CELF5: variants seen among roughly 807,000 people sequenced by gnomAD.
The protein encoded by CELF5 is CUG-BP and ETR-3 like factor 5.
In CELF5, 6 loss-of-function variants were observed where a neutral mutation model predicts 54.9. The ratio of observed to expected loss-of-function variants is 0.11; its 90% CI spans 0.06 to 0.22. The LOEUF (loss-of-function observed/expected upper bound fraction) is 0.22, where lower values mean the gene tolerates loss of function less well. Ranked by LOEUF, CELF5 falls within the 10% of genes least tolerant of loss-of-function variation. CELF5 has a pLI of 1.00. For synonymous variants in CELF5, 271 were observed against 290.9 expected (o/e 0.93, Z 0.70); for missense variants, 401 against 678.6 (o/e 0.59, Z 4.54).
chr19:3,245,419 G>GGT (rs370690783), intron 1 of CELF5, among the ~76,000 whole-genome samples: 9 of 149,066 alleles, frequency 6.0e-5, no homozygotes, highest in South Asian at 2.1e-4. Context: ...TGTGGTGTGT[G>GGT]GTGTGTGTGT....
intron 1 of CELF5, among the ~76,000 whole-genome samples, chr19:3,242,679 G>A (rs974797202): frequency 5.9e-5 from 9 of 152,110 alleles, no homozygotes; most frequent in Admixed American, 2.0e-4. Flanking sequence ...AGTGGCAGGC[G>A]CCTGTAATCC....
At position 3,282,042 on chromosome 19, in the gene CELF5, A is replaced by G. The variant is rs1026923144; in HGVS notation, c.751-84A>G. On this transcript the variant is annotated intron_variant, in intron 6 of 12. Coordinates refer to ENST00000292672, the MANE Select transcript of CELF5 (RefSeq NM_021938.4). The surrounding 1 kb of genome is among the most constrained non-coding windows in gnomAD (Gnocchi z 5.2). ...AGATACCCAGCCTGACCTCCTCACTAGTAACTGGGGTACCAAGCCTCCCCT... is the reference window on the plus strand; with the variant it reads ...AGATACCCAGCCTGACCTCCTCACTGGTAACTGGGGTACCAAGCCTCCCCT... The G allele has an allele frequency of 6.7e-7, 1 of 1,494,586 alleles. No individual in the cohort carries two copies. The highest frequency in any genetic ancestry group is 2.3e-5 in the East Asian group (1 of 43,970). 92.6% of individuals were successfully genotyped at this position (1,494,586 alleles called of 1,614,324 possible).
chr19:3,284,523 G>C (rs1453211171), intron 8 of CELF5, among the ~76,000 whole-genome samples: 1 of 152,116 alleles, frequency 6.6e-6, no homozygotes, highest in East Asian at 1.9e-4. Context: ...AGAGGGAGAC[G>C]GGGCAGGGGA....
At chr19:3,287,354 G>T (rs2080269853) in intron 10 of CELF5, among the ~76,000 whole-genome samples, 1 of 151,254 alleles carries the variant, frequency 6.6e-6, no homozygotes, top group Non-Finnish European at 1.5e-5. Flanking sequence ...GAGCTCAGGA[G>T]TTCAAGACCA....
chr19:3,267,527 G>C (rs2079900239), intron 2 of CELF5, among the ~76,000 whole-genome samples: 1 of 152,182 alleles, frequency 6.6e-6, no homozygotes, highest in South Asian at 2.1e-4. Flanking sequence ...GGTTCCTGGA[G>C]ACAGAGAGCC....
intron 1 of CELF5, among the ~76,000 whole-genome samples, chr19:3,246,590 G>T (rs889964729): frequency 6.6e-6 from 1 of 151,862 alleles, no homozygotes; most frequent in Admixed American, 6.6e-5. Flanking sequence ...GCATGCAACT[G>T]TGGTCCCAGC....
intron 3 of CELF5, among the ~76,000 whole-genome samples, chr19:3,274,153 A>G (rs1446776988): frequency 8.3e-6 from 1 of 121,140 alleles, no homozygotes; most frequent in African/African-American, 2.6e-5. Flanking sequence ...ATAGGCCCCA[A>G]GGGAGGATGG....
intron 10 of CELF5, 102 bp downstream of exon 10, chr19:3,286,127 C>A: frequency 9.5e-7 from 1 of 1,051,058 alleles, no homozygotes; most frequent in Non-Finnish European, 1.3e-6. Context: ...ACCCGCGGGG[C>A]TGAGAGTGCG....
intron 10 of CELF5, 135 bp from the exon 11 acceptor site, chr19:3,290,096 C>G (rs113248923): frequency 1.8e-5 from 12 of 651,962 alleles, no homozygotes; most frequent in African/African-American, 9.1e-5. Context: ...CAGGCCCCTT[C>G]TTTCTGGGTG....
At chr19:3,249,508 C>T (rs1329395102) in intron 1 of CELF5, among the ~76,000 whole-genome samples, 1 of 150,704 alleles carries the variant, frequency 6.6e-6, no homozygotes, top group Non-Finnish European at 1.5e-5. Flanking sequence ...CGCTTCCCAC[C>T]CTCCGATCCC....
intron 1 of CELF5, among the ~76,000 whole-genome samples, chr19:3,236,946 G>A (rs906653285): frequency 8.8e-5 from 13 of 148,048 alleles, no homozygotes; most frequent in Admixed American, 7.6e-4. Context: ...CTGAGATCGC[G>A]CCACTGCACT....
chr19:3,272,721 G>T (rs2079987041), intron 2 of CELF5, among the ~76,000 whole-genome samples: 1 of 152,198 alleles, frequency 6.6e-6, no homozygotes. Flanking sequence ...TACAGCCTGA[G>T]GGAGGGGGAG....
intron 1 of CELF5, among the ~76,000 whole-genome samples, chr19:3,240,479 CA>C (rs1407352465): frequency 6.6e-6 from 1 of 151,846 alleles, no homozygotes; most frequent in Admixed American, 6.6e-5. Flanking sequence ...AAGCATGAAC[CA>C]CCACACCCAG....
rs184716286 is a variant in CELF5, at chr19:3,282,755, C to A, written c.1039+257C>A. Reference sequence around the variant, plus strand: ...GACCCTGGATGGGCTCTTTACGTCCCTGAGCCTCAGTTTGCTCATCTGGAA... The same window carrying A: ...GACCCTGGATGGGCTCTTTACGTCCATGAGCCTCAGTTTGCTCATCTGGAA... On this transcript the variant is annotated intron_variant, in intron 8 of 12. Coordinates refer to ENST00000292672, the MANE Select transcript of CELF5 (RefSeq NM_021938.4). The surrounding 1 kb of genome is among the most constrained non-coding windows in gnomAD (Gnocchi z 5.2). Among the ~76,000 whole-genome samples the A allele has an allele frequency of 1.7e-4, 26 of 152,284 alleles. No homozygotes were observed. In the East Asian group the frequency reaches 4.8e-3, roughly 28 times the overall value.
chr19:3,253,347 C>T (rs1267014511), intron 2 of CELF5, among the ~76,000 whole-genome samples: 1 of 152,160 alleles, frequency 6.6e-6, no homozygotes, highest in African/African-American at 2.4e-5. Context: ...ATGATCCTGG[C>T]TCAGGGAGGT....
rs2080087507 is a variant in CELF5 at position 3,278,170 on chromosome 19, G to A, written c.603+60G>A. On this transcript the variant is annotated intron_variant, in intron 5 of 12. Coordinates refer to ENST00000292672, the MANE Select transcript of CELF5 (RefSeq NM_021938.4). This position sits in a 1 kb window ranked among gnomAD's most constrained non-coding sequence, Gnocchi z 4.5. ...GGTGGGAAAGGGGTGAGGGGGACAGGGATGAAACAGGCCATATTCCTACCG... is the reference window on the plus strand; with the variant it reads ...GGTGGGAAAGGGGTGAGGGGGACAGAGATGAAACAGGCCATATTCCTACCG... 1 of 1,091,164 alleles carries A rather than the reference G, an allele frequency of 9.2e-7. No homozygotes were observed. The highest frequency in any genetic ancestry group is 1.4e-6 in the Non-Finnish European group (1 of 738,128). 67.6% of individuals were successfully genotyped at this position (1,091,164 alleles called of 1,614,324 possible). A position where few individuals can be genotyped will look rare whatever the true frequency, so the allele number is the denominator to read the frequency against.
intron 1 of CELF5, among the ~76,000 whole-genome samples, chr19:3,232,046 C>T (rs1917292500): frequency 1.3e-5 from 2 of 151,838 alleles, no homozygotes; most frequent in Non-Finnish European, 2.9e-5. Context: ...TGGAAGGATG[C>T]TTCCTCAACC....
At chr19:3,274,636 C>A (rs1001180820) in intron 3 of CELF5, among the ~76,000 whole-genome samples, 1 of 152,158 alleles carries the variant, frequency 6.6e-6, no homozygotes, top group Non-Finnish European at 1.5e-5. Flanking sequence ...GGGGCATACT[C>A]AGCTGTTCCC....
intron 12 of CELF5, chr19:3,293,706 C>T (rs2080390096): frequency 2.1e-6 from 1 of 468,468 alleles, no homozygotes; most frequent in Non-Finnish European, 3.9e-6. Context: ...GGGGTAGGGA[C>T]TGAGGTGAGC....
Sources: gnomAD v4.1 joint callset for allele counts (sites outside exome capture counted in the v4.1 genomes callset) on GRCh38, gnomAD v4.1.1 for gene constraint, Gnocchi (gnomAD v3.1) non-coding constraint, MANE v1.5 for transcripts, NCBI Gene and HGNC (gene_info 2026-07-23, HGNC 2026-07-21) for gene names.